Variants in PON2 observed in about 807,000 individuals in gnomAD.
PON2 encodes paraoxonase 2.
Under a neutral mutation model 36.6 loss-of-function variants are expected in PON2, and 27 were observed. The observed-to-expected ratio is 0.74, with a 90% CI of 0.54 to 1.02. PON2 has a LOEUF of 1.02. PON2 is among the 50% of genes least tolerant of loss of function. The pLI, the probability that PON2 is intolerant of heterozygous loss-of-function variation, is 0.00. For missense variants in PON2, 363 were observed against 421.1 expected, an observed-to-expected ratio of 0.86 and a Z score of 1.21; for synonymous variants, 149 against 156.3, an observed-to-expected ratio of 0.95 and a Z score of 0.35.
intron 1 of PON2, among the ~76,000 whole-genome samples, chr7:95,433,580 A>C (rs917901270): frequency 2.6e-5 from 4 of 151,022 alleles, no homozygotes; most frequent in African/African-American, 9.7e-5. Context: ...TTCCCTTTTG[A>C]AGCACTATTG....
intron 5 of PON2, among the ~76,000 whole-genome samples, chr7:95,410,411 T>TTA (rs2116459768): frequency 6.6e-6 from 1 of 152,310 alleles, no homozygotes; most frequent in South Asian, 2.1e-4. Flanking sequence ...GGTTTAACAA[T>TTA]TATACGTAAG....
chr7:95,426,181 C>T (rs1395137648), intron 1 of PON2, among the ~76,000 whole-genome samples: 2 of 151,996 alleles, frequency 1.3e-5, no homozygotes, highest in Non-Finnish European at 2.9e-5. Flanking sequence ...AGTTGTTCCC[C>T]AAACCTCAGC....
intron 3 of PON2, chr7:95,415,195 T>G (rs1052093738): frequency 3.3e-5 from 5 of 152,224 alleles, no homozygotes; most frequent in Non-Finnish European, 7.3e-5. Flanking sequence ...AAACTGGACC[T>G]ATGAAGATGC....
chr7:95,417,726 C>CACACACAGACACACACA (rs56020343), intron 2 of PON2, among the ~76,000 whole-genome samples: 2 of 148,398 alleles, frequency 1.3e-5, no homozygotes, highest in South Asian at 2.1e-4. Context: ...CACACACACA[C>CACACACAGACACACACA]CGAGAGAGAA....
chr7:95,434,937 C>T lies in PON2; in HGVS notation c.15G>A (p.Val5=). 1 of 1,532,186 alleles carries T rather than the reference C, an allele frequency of 6.5e-7. No homozygotes were observed. The highest frequency in any genetic ancestry group is 8.7e-7 in the Non-Finnish European group (1 of 1,142,936). 94.9% of individuals were successfully genotyped at this position (1,532,186 alleles called of 1,614,324 possible). A position where few individuals can be genotyped will look rare whatever the true frequency, so the allele number is the denominator to read the frequency against. The change falls in exon 1 of 9, where the codon GTG becomes GTA. Residue 5 remains valine (V), a synonymous_variant. Transcript: ENST00000222572. ...GCGCGATCCCCAGCAAGCCCACAGC[C>T]ACCAGCCGCCCCATGGCGCGGGAGC... MGRL[V]AVGLLGIALA...
intron 8 of PON2, 59 bp downstream of exon 8, chr7:95,406,060 G>T: frequency 2.6e-6 from 4 of 1,519,522 alleles, no homozygotes; most frequent in South Asian, 1.1e-5. Flanking sequence ...ACAATTTATT[G>T]TATTATTAGT....
chr7:95,430,562 G>A (rs1585766906), intron 1 of PON2, among the ~76,000 whole-genome samples: 1 of 151,838 alleles, frequency 6.6e-6, no homozygotes, highest in East Asian at 1.9e-4. Flanking sequence ...GCCTCCCAAA[G>A]TGCTGGGATT....
chr7:95,414,378 T>C (rs1359706826), intron 3 of PON2, among the ~76,000 whole-genome samples: 1 of 152,160 alleles, frequency 6.6e-6, no homozygotes, highest in Non-Finnish European at 1.5e-5. Flanking sequence ...GGAATGTTTC[T>C]AAATTTTAAA....
chr7:95,418,561 C>T (rs1789123437), intron 2 of PON2, among the ~76,000 whole-genome samples: 1 of 152,224 alleles, frequency 6.6e-6, no homozygotes, highest in Non-Finnish European at 1.5e-5. Flanking sequence ...CCAAGCCTCT[C>T]ACCAACATCT....
intron 6 of PON2, 26 bp downstream of exon 6, chr7:95,409,875 T>C (rs1177787367): frequency 6.2e-7 from 1 of 1,605,198 alleles, no homozygotes; most frequent in East Asian, 2.2e-5. Context: ...TGAAGAAAAA[T>C]GAAGATATTC....
chr7:95,423,363 AGCCAAT>A (rs1347379893), intron 2 of PON2, among the ~76,000 whole-genome samples: 1 of 151,928 alleles, frequency 6.6e-6, no homozygotes, highest in Non-Finnish European at 1.5e-5. Flanking sequence ...AAAAAAGGAA[AGCCAAT>A]ATTTATTGTT....
At chr7:95,430,632 T>C (rs1789418005) in intron 1 of PON2, among the ~76,000 whole-genome samples, 1 of 151,842 alleles carries the variant, frequency 6.6e-6, no homozygotes, top group South Asian at 2.1e-4. Flanking sequence ...TAGTGGTGCA[T>C]GCCTATAGTC....
Position 95,405,266 on chromosome 7 carries a change from C to G in PON2, c.*64G>C. ...GTCAATGTTGCTGGTTAAATTCCCT[C>G]AGAATTAGCAATTCATAGAAAATTA... On this transcript the variant is annotated 3_prime_UTR_variant, in exon 9 of 9. Transcript: ENST00000222572. 1.3e-6 allele frequency: 2 copies of G among 1,542,128 alleles called. No individual in the cohort carries two copies. The highest frequency in any genetic ancestry group is 1.8e-6 in the Non-Finnish European group (2 of 1,119,332).
At chr7:95,412,775 A>C (rs1056396623) in intron 3 of PON2, 52 of 417,522 alleles carry the variant, frequency 1.2e-4, no homozygotes, top group Non-Finnish European at 1.7e-4. Flanking sequence ...TGACATCTAC[A>C]TACTGACTGT....
intron 3 of PON2, among the ~76,000 whole-genome samples, chr7:95,414,425 A>G (rs1166130210): frequency 1.3e-5 from 2 of 152,220 alleles, no homozygotes; most frequent in East Asian, 3.8e-4. Flanking sequence ...ACAGAAAAAA[A>G]GCAGAAAAAG....
intron 2 of PON2, among the ~76,000 whole-genome samples, chr7:95,417,890 G>C (rs929715149): frequency 6.6e-5 from 10 of 151,722 alleles, no homozygotes; most frequent in African/African-American, 2.2e-4. Flanking sequence ...TTCTTTGATA[G>C]GATTATGAAT....
intron 7 of PON2, among the ~76,000 whole-genome samples, chr7:95,406,687 A>C (rs933278335): frequency 2.6e-5 from 4 of 152,220 alleles, no homozygotes; most frequent in Non-Finnish European, 5.9e-5. Context: ...TTGAGAATTC[A>C]TCTATTAGTA....
intron 5 of PON2, 92 bp from the exon 6 acceptor site, chr7:95,410,193 G>T: frequency 9.0e-7 from 1 of 1,109,354 alleles, no homozygotes; most frequent in Non-Finnish European, 1.3e-6. Context: ...TGCAACATGT[G>T]CTTTAAATTT....
At position 95,435,026 on chromosome 7, in the gene PON2, G is replaced by A; in HGVS notation, c.-75C>T. The A allele has an allele frequency of 7.1e-7, 1 of 1,400,530 alleles. No individual in the cohort carries two copies. 86.8% of individuals were successfully genotyped at this position (1,400,530 alleles called of 1,614,324 possible). A position where few individuals can be genotyped will look rare whatever the true frequency, so the allele number is the denominator to read the frequency against. Reference sequence around the variant, plus strand: ...GTGGGCGGTGCCATCTTCCCGGCTCGATGGTGCCGGCCGCGCTCCGCCCCG... The same window carrying A: ...GTGGGCGGTGCCATCTTCCCGGCTCAATGGTGCCGGCCGCGCTCCGCCCCG... On this transcript the variant is annotated 5_prime_UTR_variant, in exon 1 of 9. Coordinates refer to ENST00000222572, the MANE Select transcript of PON2 (RefSeq NM_000305.3).
Sources: gnomAD v4.1 joint callset for allele counts (sites outside exome capture counted in the v4.1 genomes callset) on GRCh38, gnomAD v4.1.1 for gene constraint, MANE v1.5 for transcripts, NCBI Gene and HGNC (gene_info 2026-07-23, HGNC 2026-07-21) for gene names.